Variants in CREB5 observed in about 807,000 individuals in gnomAD.
CREB5 encodes cAMP responsive element binding protein 5.
Under a neutral mutation model 57.1 loss-of-function variants are expected in CREB5, and 19 were observed. That is an observed-to-expected ratio of 0.33 (90% CI 0.23 to 0.49). The LOEUF is 0.49. CREB5 is among the 20% of genes least tolerant of loss of function. The pLI is 0.99. For synonymous variants in CREB5, 238 were observed against 238.3 expected (o/e 1.00, Z 0.01); for missense variants, 579 against 671.6 (o/e 0.86, Z 1.52).
intron 5 of CREB5, among the ~76,000 whole-genome samples, chr7:28,636,251 G>A (rs1798413727): frequency 6.6e-6 from 1 of 152,126 alleles, no homozygotes; most frequent in Non-Finnish European, 1.5e-5. Context: ...CTTTTTTGAG[G>A]GACCATGTCT....
At chr7:28,730,412 T>C (rs1306757293) in intron 7 of CREB5, among the ~76,000 whole-genome samples, 1 of 151,862 alleles carries the variant, frequency 6.6e-6, no homozygotes, top group Non-Finnish European at 1.5e-5. Context: ...TTGGAACTCC[T>C]GGGTTCAAGC....
intron 1 of CREB5, among the ~76,000 whole-genome samples, chr7:28,404,505 T>C (rs913559430): frequency 6.6e-6 from 1 of 152,186 alleles, no homozygotes; most frequent in African/African-American, 2.4e-5. Flanking sequence ...TCCTGAGGCA[T>C]CATGAGCAAG....
At chr7:28,546,867 C>T (rs546171421) in intron 4 of CREB5, among the ~76,000 whole-genome samples, 22 of 152,222 alleles carry the variant, frequency 1.4e-4, no homozygotes, top group Admixed American at 1.1e-3. Flanking sequence ...AGTGTGTTTA[C>T]ATGGGGCCAC....
chr7:28,721,717 G>A (rs185626838), intron 6 of CREB5, among the ~76,000 whole-genome samples: 46 of 152,296 alleles, frequency 3.0e-4, no homozygotes, highest in African/African-American at 8.4e-4. Context: ...GCCAAGTACC[G>A]TGCTGGGTGC....
intron 5 of CREB5, among the ~76,000 whole-genome samples, chr7:28,688,168 T>C (rs1397175573): frequency 6.6e-6 from 1 of 152,224 alleles, no homozygotes; most frequent in African/African-American, 2.4e-5. Flanking sequence ...TGTTTACTTC[T>C]TGCTTTTTGG....
At chr7:28,763,096 G>T (rs1178613831) in intron 7 of CREB5, among the ~76,000 whole-genome samples, 1 of 152,140 alleles carries the variant, frequency 6.6e-6, no homozygotes, top group Non-Finnish European at 1.5e-5. Flanking sequence ...CATCTTGTTG[G>T]TTCCAGGGCA....
At chr7:28,464,347 T>C (rs548139774) in intron 1 of CREB5, among the ~76,000 whole-genome samples, 1 of 152,308 alleles carries the variant, frequency 6.6e-6, no homozygotes, top group Admixed American at 6.5e-5. Flanking sequence ...TATCAGGCAA[T>C]CATGGCTTCA....
At chr7:28,652,836 G>C (rs1043042046) in intron 5 of CREB5, among the ~76,000 whole-genome samples, 2 of 152,188 alleles carry the variant, frequency 1.3e-5, no homozygotes, top group African/African-American at 4.8e-5. Flanking sequence ...ATTGTAGGCT[G>C]TCTTTTAAGT....
chr7:28,750,602 A>ATT (rs3216233), intron 7 of CREB5, among the ~76,000 whole-genome samples: 80,688 of 151,684 alleles, frequency 0.53, 22,076 homozygotes, highest in Middle Eastern at 0.58. Flanking sequence ...GAAATATATC[A>ATT]CTTTTTTTAT....
At chr7:28,503,936 G>A (rs1056480769) in intron 3 of CREB5, among the ~76,000 whole-genome samples, 1 of 142,858 alleles carries the variant, frequency 7.0e-6, no homozygotes, top group African/African-American at 2.8e-5. Flanking sequence ...GTTACCAAAT[G>A]TGATTTTCTT....
At chr7:28,517,365 A>G (rs1174514619) in intron 4 of CREB5, among the ~76,000 whole-genome samples, 2 of 152,194 alleles carry the variant, frequency 1.3e-5, no homozygotes, top group Non-Finnish European at 2.9e-5. Context: ...AGTTATTTCC[A>G]TACTGAAAAG....
intron 4 of CREB5, among the ~76,000 whole-genome samples, chr7:28,511,251 C>A (rs1248304653): frequency 6.6e-6 from 1 of 151,494 alleles, no homozygotes; most frequent in Admixed American, 6.6e-5. Flanking sequence ...AAGCAGAGAC[C>A]CAAAGTGGGA....
At position 28,561,019 on chromosome 7, in the gene CREB5, T is replaced by TGCGTGCGTGCGTGCGTGTGTGCGCGTGC. The variant is rs796249724; in HGVS notation, c.292-9345_292-9344insCGTGCGTGCGTGCGTGTGTGCGCGTGCG. ...GCCTGCGTGTGCGTGTGTGTGTGCG[T>TGCGTGCGTGCGTGCGTGTGTGCGCGTGC]GTGTGCGTGTGTGTGTGTGTGTGTG... is the stretch of plus-strand genomic sequence containing the variant. On this transcript the variant is annotated intron_variant, in intron 4 of 10. Transcript: ENST00000357727. 1.9e-4 allele frequency among the ~76,000 whole-genome samples: 6 copies of TGCGTGCGTGCGTGCGTGTGTGCGCGTGC among 31,356 alleles called. 1 individual carries two copies. The highest frequency in any genetic ancestry group is 3.6e-4 in the Non-Finnish European group (6 of 16,674). The allele number at this position is 31,356 out of a possible 152,430, so 20.6% of individuals were successfully genotyped here.
intron 10 of CREB5, among the ~76,000 whole-genome samples, chr7:28,818,384 T>A (rs2128809600): frequency 6.6e-6 from 1 of 152,274 alleles, no homozygotes; most frequent in African/African-American, 2.4e-5. Flanking sequence ...CACCACCTCC[T>A]GATAATTTCT....
intron 3 of CREB5, among the ~76,000 whole-genome samples, chr7:28,502,141 T>A (rs1480127665): frequency 6.6e-6 from 1 of 152,192 alleles, no homozygotes. Context: ...GTAACATCAG[T>A]GTTACTGAGA....
chr7:28,613,441 C>T (rs1029025216), intron 5 of CREB5, among the ~76,000 whole-genome samples: 1 of 152,164 alleles, frequency 6.6e-6, no homozygotes, highest in African/African-American at 2.4e-5. Flanking sequence ...TGAGCCTATC[C>T]TCTTTACGAC....
chr7:28,440,668 T>TGATGG, intron 1 of CREB5, among the ~76,000 whole-genome samples: 1 of 152,326 alleles, frequency 6.6e-6, no homozygotes, highest in East Asian at 1.9e-4. Flanking sequence ...GGCCTTCATA[T>TGATGG]GATGGGGCAC....
At chr7:28,560,979 T>TGCGCGTGTGTGC (rs1329236450) in intron 4 of CREB5, among the ~76,000 whole-genome samples, 622 of 59,758 alleles carry the variant, frequency 0.01, 78 homozygotes, top group East Asian at 0.032. Flanking sequence ...TGTGCGTGTG[T>TGCGCGTGTGTGC]GCGTGCGTGT....
intron 1 of CREB5, among the ~76,000 whole-genome samples, chr7:28,451,151 G>T (rs894811503): frequency 6.6e-6 from 1 of 152,170 alleles, no homozygotes; most frequent in African/African-American, 2.4e-5. Context: ...TGCGCAAAGG[G>T]AAGTAGAAGT....
Sources: allele counts gnomAD v4.1 joint callset (sites outside exome capture counted in the v4.1 genomes callset), GRCh38; gene constraint gnomAD v4.1.1; transcripts MANE v1.5; gene names NCBI Gene and HGNC (gene_info 2026-07-23, HGNC 2026-07-21).